Variants in LMBR1 observed in about 807,000 individuals in gnomAD.
LMBR1 encodes the protein limb region 1 protein homolog.
A neutral mutation model predicts 73.9 loss-of-function variants in LMBR1; 52 were observed. The observed-to-expected ratio is 0.70, with a 90% CI of 0.56 to 0.89. The LOEUF (loss-of-function observed/expected upper bound fraction) is 0.89. Among genes scored for constraint, LMBR1 ranks in the 40% least tolerant of loss-of-function variants. The pLI, the probability that LMBR1 is intolerant of heterozygous loss-of-function variation, is 0.00. For synonymous variants in LMBR1, 215 were observed against 209.4 expected, an observed-to-expected ratio of 1.03 and a Z score of -0.23; for missense variants, 539 against 579.8, an observed-to-expected ratio of 0.93 and a Z score of 0.72.
intron 9 of LMBR1, among the ~76,000 whole-genome samples, chr7:156,752,324 T>C (rs1821058254): frequency 6.6e-6 from 1 of 152,130 alleles, no homozygotes; most frequent in African/African-American, 2.4e-5. Flanking sequence ...GGAGGGGATA[T>C]GGGGTCAAGG....
At chr7:156,872,997 AG>A (rs367811208) in intron 1 of LMBR1, among the ~76,000 whole-genome samples, 10 of 152,198 alleles carry the variant, frequency 6.6e-5, no homozygotes, top group African/African-American at 2.2e-4. Context: ...CCTCACGGTG[AG>A]TGTTACAGCT....
intron 3 of LMBR1, 26 bp from the exon 4 acceptor site, chr7:156,826,770 C>T: frequency 6.3e-7 from 1 of 1,584,226 alleles, no homozygotes; most frequent in Non-Finnish European, 8.6e-7. Flanking sequence ...GTCACCATCA[C>T]AAGTGATCTG....
intron 5 of LMBR1, among the ~76,000 whole-genome samples, chr7:156,790,424 A>G (rs1332233741): frequency 6.6e-6 from 1 of 152,106 alleles, no homozygotes; most frequent in Non-Finnish European, 1.5e-5. Flanking sequence ...AGTCACAGTC[A>G]GTAAGAAGAG....
rs202144239 is a variant in LMBR1, at chr7:156,853,970, T to TAA, written c.67-17087_67-17086dup. On this transcript the variant is annotated intron_variant, in intron 1 of 16. Coordinates refer to ENST00000353442, the MANE Select transcript of LMBR1 (RefSeq NM_022458.4). Reference sequence around the variant, plus strand: ...GTGCCTGGCCCACATAGAATAAAATTAAAAAAAAAAAAAAAACCACCTATA... The same window carrying TAA: ...GTGCCTGGCCCACATAGAATAAAATTAAAAAAAAAAAAAAAAAACCACCTATA... Among the ~76,000 whole-genome samples, 613 of 134,992 alleles carry TAA rather than the reference T, an allele frequency of 4.5e-3. 8 individuals carry two copies. Among genetic ancestry groups the TAA allele is most frequent in the African/African-American group, 0.013 (480 of 36,660 alleles). The allele number at this position is 134,992 out of a possible 152,430, so 88.6% of individuals were successfully genotyped here. A position where few individuals can be genotyped will look rare whatever the true frequency, so the allele number is the denominator to read the frequency against.
At chr7:156,888,495 G>C (rs530235520) in intron 1 of LMBR1, among the ~76,000 whole-genome samples, 1 of 151,482 alleles carries the variant, frequency 6.6e-6, no homozygotes, top group East Asian at 1.9e-4. Context: ...GACTCTAATA[G>C]ATATTTGCAT....
chr7:156,671,845 T>C (rs565155188), intron 4 of LMBR1, among the ~76,000 whole-genome samples: 1 of 152,134 alleles, frequency 6.6e-6, no homozygotes, highest in South Asian at 2.1e-4. Context: ...AATAAATTTT[T>C]TTTAAAAAAA....
At position 156,826,621 on chromosome 7, in the gene LMBR1, A is replaced by G. The variant is rs1391932980; in HGVS notation, c.303T>C (p.Asn101=). The part of the protein sequence containing the change: ...FPQNYYIQWL[N]GSLIHGLWNL... The stretch of plus-strand genomic sequence containing the variant: ...TATACTAACCATGAATCAGGGAGCC[A>G]TTTAGCCACTGAATATAGTAGTTCT... Residue 101 remains asparagine, a synonymous_variant, in exon 4 of 17, where the codon AAT becomes AAC. Coordinates refer to ENST00000353442, the MANE Select transcript of LMBR1 (RefSeq NM_022458.4). 2 of 1,563,938 alleles carry G rather than the reference A, an allele frequency of 1.3e-6. No homozygotes were observed. Among genetic ancestry groups the G allele is most frequent in the Non-Finnish European group, 1.7e-6 (2 of 1,150,758 alleles).
intron 9 of LMBR1, among the ~76,000 whole-genome samples, chr7:156,738,167 C>T (rs975875728): frequency 2.0e-5 from 3 of 152,128 alleles, no homozygotes; most frequent in Non-Finnish European, 2.9e-5. Context: ...AATCTGTGTA[C>T]TTGGGGGAGG....
intron 1 of LMBR1, among the ~76,000 whole-genome samples, chr7:156,844,615 GAA>G (rs71923215): frequency 9.9e-4 from 127 of 128,370 alleles, no homozygotes; most frequent in Admixed American, 1.5e-3. Flanking sequence ...ACACCTGAAT[GAA>G]AAAAAAAAAA....
chr7:156,751,609 A>G (rs1033984918), intron 9 of LMBR1, among the ~76,000 whole-genome samples: 12 of 152,344 alleles, frequency 7.9e-5, no homozygotes, highest in Non-Finnish European at 1.5e-4. Context: ...AAGCTACCGC[A>G]AAAACCTCTC....
At chr7:156,811,370 G>A (rs1425148099) in intron 4 of LMBR1, among the ~76,000 whole-genome samples, 6 of 152,078 alleles carry the variant, frequency 3.9e-5, no homozygotes, top group Admixed American at 3.3e-4. Context: ...CCAGCACTTT[G>A]GGAGGCCGAG....
At chr7:156,815,334 A>G (rs1833748354) in intron 4 of LMBR1, among the ~76,000 whole-genome samples, 1 of 152,082 alleles carries the variant, frequency 6.6e-6, no homozygotes. Flanking sequence ...AGCAAAACCT[A>G]TATACATAGG....
chr7:156,697,246 C>T (rs1470846622), intron 15 of LMBR1, among the ~76,000 whole-genome samples: 1 of 152,006 alleles, frequency 6.6e-6, no homozygotes. Flanking sequence ...AGCAGAACTA[C>T]TAATAAGGAT....
intron 4 of LMBR1, among the ~76,000 whole-genome samples, chr7:156,820,663 T>C (rs1033751344): frequency 2.0e-5 from 3 of 152,170 alleles, no homozygotes; most frequent in African/African-American, 7.2e-5. Context: ...GCCTCCTGCA[T>C]CAAAAAAGAG....
chr7:156,806,939 C>G (rs1052679301), intron 4 of LMBR1, among the ~76,000 whole-genome samples: 1 of 152,074 alleles, frequency 6.6e-6, no homozygotes, highest in African/African-American at 2.4e-5. Flanking sequence ...ATGAGAACAT[C>G]CCATTTCAGG....
intron 10 of LMBR1, among the ~76,000 whole-genome samples, chr7:156,733,100 G>C (rs1446472567): frequency 3.3e-5 from 5 of 152,050 alleles, no homozygotes; most frequent in Non-Finnish European, 5.9e-5. Context: ...AGTTGAGATC[G>C]CACCATTGCA....
chr7:156,721,595 A>T (rs1363824036), intron 15 of LMBR1, among the ~76,000 whole-genome samples: 1 of 152,168 alleles, frequency 6.6e-6, no homozygotes, highest in Non-Finnish European at 1.5e-5. Context: ...CTGAAAACTT[A>T]AATATAAACA....
At chr7:156,754,098 G>GAT (rs1248343302) in intron 9 of LMBR1, among the ~76,000 whole-genome samples, 1 of 152,170 alleles carries the variant, frequency 6.6e-6, no homozygotes, top group Non-Finnish European at 1.5e-5. Context: ...GAGAGCAGCT[G>GAT]ATAACAAGAT....
intron 15 of LMBR1, among the ~76,000 whole-genome samples, chr7:156,692,463 C>T (rs1017020930): frequency 6.6e-6 from 1 of 152,188 alleles, no homozygotes; most frequent in African/African-American, 2.4e-5. Context: ...CTTCAGGCTC[C>T]AGCCTATATG....
Sources: allele counts gnomAD v4.1 joint callset (sites outside exome capture counted in the v4.1 genomes callset), GRCh38; gene constraint gnomAD v4.1.1; transcripts MANE v1.5; gene names NCBI Gene and HGNC (gene_info 2026-07-23, HGNC 2026-07-21).